AGAP1: variants seen among roughly 807,000 people sequenced by gnomAD.
The protein encoded by AGAP1 is ArfGAP with GTPase domain, ankyrin repeat and PH domain 1, also known as arf-GAP with GTPase, ANK repeat and PH domain-containing protein 1.
Under a neutral mutation model 105.3 loss-of-function variants are expected in AGAP1, and 29 were observed. That is an observed-to-expected ratio of 0.28 (90% CI 0.21 to 0.38). The LOEUF (loss-of-function observed/expected upper bound fraction) is 0.38. Among genes scored for constraint, AGAP1 ranks in the 10% least tolerant of loss-of-function variants. AGAP1 has a pLI of 1.00. For synonymous variants in AGAP1, 509 were observed against 485.9 expected, an observed-to-expected ratio of 1.05 and a Z score of -0.63; for missense variants, 998 against 1,165.1, an observed-to-expected ratio of 0.86 and a Z score of 2.09.
intron 1 of AGAP1, chr2:235,670,385 C>G: frequency 1.8e-6 from 1 of 556,376 alleles, no homozygotes; most frequent in Non-Finnish European, 3.3e-6. Context: ...CCGCACCTTC[C>G]GCACCCGCAG....
chr2:235,567,406 C>T (rs926035493), intron 1 of AGAP1, among the ~76,000 whole-genome samples: 2 of 152,210 alleles, frequency 1.3e-5, no homozygotes, highest in Non-Finnish European at 1.5e-5. Context: ...CCCTGGGCGT[C>T]ATTTAGCTTG....
intron 9 of AGAP1, among the ~76,000 whole-genome samples, chr2:235,809,305 T>A (rs10929148): frequency 0.29 from 43,694 of 152,086 alleles, 6,540 homozygotes; most frequent in Admixed American, 0.42. Flanking sequence ...AGTCCTTGGA[T>A]GCCTTTCGAT....
At chr2:235,669,428 T>C (rs907459390) in intron 1 of AGAP1, among the ~76,000 whole-genome samples, 1 of 151,914 alleles carries the variant, frequency 6.6e-6, no homozygotes, top group African/African-American at 2.4e-5. Context: ...GGTGCTGGGC[T>C]GGGCCCCTCG....
rs2053722890 is a variant in AGAP1 at position 235,951,216 on chromosome 2, G to A, written c.1484-17246G>A. On this transcript the variant is annotated intron_variant, in intron 12 of 17. Coordinates refer to ENST00000304032, the MANE Select transcript of AGAP1 (RefSeq NM_001037131.3). The surrounding 1 kb of genome is among the most constrained non-coding windows in gnomAD (Gnocchi z 4.2). The stretch of plus-strand genomic sequence containing the variant: ...AGGCTGTGCTTTAGAAGACACTTCC[G>A]ACTTTGATCTGCAGTTGCGGATGAA... Among the ~76,000 whole-genome samples the A allele has an allele frequency of 6.6e-6, 1 of 152,196 alleles. No individual in the cohort carries two copies. The highest frequency in any genetic ancestry group is 2.1e-4 in the South Asian group (1 of 4,832).
At chr2:235,748,828 G>C (rs1350538928) in intron 5 of AGAP1, among the ~76,000 whole-genome samples, 3 of 152,046 alleles carry the variant, frequency 2.0e-5, no homozygotes, top group Non-Finnish European at 2.9e-5. Flanking sequence ...GAGAAATCCT[G>C]TTGGTGGATT....
intron 1 of AGAP1, among the ~76,000 whole-genome samples, chr2:235,641,972 G>A (rs1246912362): frequency 1.3e-5 from 2 of 152,186 alleles, no homozygotes; most frequent in African/African-American, 2.4e-5. Context: ...TTCCCATTTT[G>A]TGAGCATTTA....
At chr2:235,634,430 T>TGGGAC (rs1946926719) in intron 1 of AGAP1, among the ~76,000 whole-genome samples, 10 of 152,204 alleles carry the variant, frequency 6.6e-5, no homozygotes, top group Admixed American at 6.5e-4. Context: ...ATCCCTGAGA[T>TGGGAC]GGGACTCGGT....
At chr2:235,895,155 TC>T (rs927974595) in intron 10 of AGAP1, among the ~76,000 whole-genome samples, 26 of 152,336 alleles carry the variant, frequency 1.7e-4, no homozygotes, top group African/African-American at 5.5e-4. Context: ...CATAAAGTTT[TC>T]CAAAACCTGT....
chr2:235,528,757 AC>A (rs1942941206), intron 1 of AGAP1, among the ~76,000 whole-genome samples: 1 of 151,576 alleles, frequency 6.6e-6, no homozygotes, highest in Non-Finnish European at 1.5e-5. Flanking sequence ...GCTCACTGAA[AC>A]CTCCGCCTCC....
chr2:236,034,083 C>G (rs745738152), intron 13 of AGAP1, among the ~76,000 whole-genome samples: 1 of 152,156 alleles, frequency 6.6e-6, no homozygotes, highest in Non-Finnish European at 1.5e-5. Flanking sequence ...CCTTACCTAT[C>G]TGTTCACTAG....
chr2:236,012,334 G>T lies in AGAP1; in HGVS notation c.1646-24227G>T, dbSNP rs1042789203. On this transcript the variant is annotated intron_variant, in intron 13 of 17. Transcript: ENST00000304032. This position sits in a 1 kb window ranked among gnomAD's most constrained non-coding sequence, Gnocchi z 4.9. ...TTCTGCCTATTTATATGTAAATATTGCTGCAAGAGGTAAGTTGTACTCTTG... is the reference window on the plus strand; with the variant it reads ...TTCTGCCTATTTATATGTAAATATTTCTGCAAGAGGTAAGTTGTACTCTTG... 6.6e-6 allele frequency among the ~76,000 whole-genome samples: 1 copy of T among 151,486 alleles called. No individual in the cohort carries two copies. The highest frequency in any genetic ancestry group is 1.5e-5 in the Non-Finnish European group (1 of 68,008).
intron 12 of AGAP1, among the ~76,000 whole-genome samples, chr2:235,955,463 C>G (rs1171597997): frequency 6.6e-6 from 1 of 152,172 alleles, no homozygotes; most frequent in Admixed American, 6.5e-5. Flanking sequence ...GAGCCTGTGT[C>G]TCAAAAGCTG....
Position 235,659,358 on chromosome 2 carries a change from G to A in AGAP1, c.164-49821G>A, listed in dbSNP as rs1048067343. Among the ~76,000 whole-genome samples the A allele has an allele frequency of 2.0e-5, 3 of 152,258 alleles. No individual in the cohort carries two copies. Among genetic ancestry groups the A allele is most frequent in the African/African-American group, 7.2e-5 (3 of 41,456 alleles). ...CTGAATTAACGTCTGAAGTGCCACA[G>A]TGTTGTATCTGAGTGAGTAGCGTCC... On this transcript the variant is annotated intron_variant, in intron 1 of 17. Coordinates refer to ENST00000304032, the MANE Select transcript of AGAP1 (RefSeq NM_001037131.3). This position sits in a 1 kb window ranked among gnomAD's most constrained non-coding sequence, Gnocchi z 5.0.
intron 16 of AGAP1, among the ~76,000 whole-genome samples, chr2:236,094,910 G>A (rs2059153547): frequency 9.7e-6 from 1 of 103,266 alleles, no homozygotes; most frequent in Admixed American, 1.4e-4. Context: ...CACAGCAAGA[G>A]ACCCCATCTC....
intron 12 of AGAP1, among the ~76,000 whole-genome samples, chr2:235,939,184 G>A (rs2053135272): frequency 6.6e-6 from 1 of 152,172 alleles, no homozygotes; most frequent in Non-Finnish European, 1.5e-5. Context: ...CCCAGCGACT[G>A]TTTCCAGCCT....
rs570888673 is a variant in AGAP1, at chr2:236,012,041, G to A, written c.1646-24520G>A. Among the ~76,000 whole-genome samples, 24 of 152,210 alleles carry A rather than the reference G, an allele frequency of 1.6e-4. 1 individual carries two copies. Among genetic ancestry groups the A allele is most frequent in the African/African-American group, 4.8e-4 (20 of 41,534 alleles). ...GGAACTTAGAGCAATCAATGCCCCCGGAGACCGATGCACATATCAGGACCT... is the reference window on the plus strand; with the variant it reads ...GGAACTTAGAGCAATCAATGCCCCCAGAGACCGATGCACATATCAGGACCT... On this transcript the variant is annotated intron_variant, in intron 13 of 17. Coordinates refer to ENST00000304032, the MANE Select transcript of AGAP1 (RefSeq NM_001037131.3). The surrounding 1 kb of genome is among the most constrained non-coding windows in gnomAD (Gnocchi z 4.9).
intron 9 of AGAP1, among the ~76,000 whole-genome samples, chr2:235,823,797 C>T (rs1467280386): frequency 6.6e-6 from 1 of 152,156 alleles, no homozygotes; most frequent in African/African-American, 2.4e-5. Context: ...AGATAAAAAG[C>T]ATTACCTTTG....
At position 236,073,938 on chromosome 2, in the gene AGAP1, G is replaced by A. The variant is rs78317901; in HGVS notation, c.2114+24657G>A. Among the ~76,000 whole-genome samples the A allele has an allele frequency of 1.6e-5, 1 of 63,080 alleles. No individual in the cohort carries two copies. The highest frequency in any genetic ancestry group is 0.013 in the Middle Eastern group (1 of 76). The allele number at this position is 63,080 out of a possible 152,430, so 41.4% of individuals were successfully genotyped here. On this transcript the variant is annotated intron_variant, in intron 16 of 17. Transcript: ENST00000304032. The surrounding 1 kb of genome is among the most constrained non-coding windows in gnomAD (Gnocchi z 5.4). ...ATTTCCGCTGCACATCCCAGCTCAA[G>A]AACCACCCTCTGGGTGCCAAGGTCT...
rs1044567437 is a variant in AGAP1 at position 235,674,638 on chromosome 2, T to A, written c.164-34541T>A. The stretch of plus-strand genomic sequence containing the variant: ...CAGCACATTTTATGAGTGGCTTTGT[T>A]CTTTAATTTCTGATTCCCTTGATTT... On this transcript the variant is annotated intron_variant, in intron 1 of 17. Transcript: ENST00000304032. Among the ~76,000 whole-genome samples, 322 of 152,332 alleles carry A rather than the reference T, an allele frequency of 2.1e-3. 3 individuals carry two copies. Among genetic ancestry groups the A allele is most frequent in the Non-Finnish European group, 8.2e-4 (56 of 68,040 alleles).
Sources: allele counts gnomAD v4.1 joint callset (sites outside exome capture counted in the v4.1 genomes callset), GRCh38; gene constraint gnomAD v4.1.1; non-coding constraint Gnocchi (gnomAD v3.1); transcripts MANE v1.5; gene names NCBI Gene and HGNC (gene_info 2026-07-23, HGNC 2026-07-21).